TFRC: variants seen among roughly 807,000 people sequenced by gnomAD.
TFRC encodes the protein transferrin receptor protein 1.
A neutral mutation model predicts 85.8 loss-of-function variants in TFRC; 35 were observed. That is an observed-to-expected ratio of 0.41 (90% CI 0.31 to 0.54). TFRC has a LOEUF of 0.54. TFRC is among the 20% of genes least tolerant of loss of function. TFRC has a pLI of 0.31. For missense variants in TFRC, 828 were observed against 921.5 expected (o/e 0.90, Z 1.31); for synonymous variants, 362 against 328.6 (o/e 1.10, Z -1.10).
At chr3:196,062,495 T>G in intron 13 of TFRC, 87 bp downstream of exon 13, 1 of 1,185,584 alleles carries the variant, frequency 8.4e-7, no homozygotes, top group Non-Finnish European at 1.2e-6. Context: ...ATCGTGCCAT[T>G]GCACTCCAGC....
At chr3:196,074,724 C>A (rs1181563902) in intron 3 of TFRC, among the ~76,000 whole-genome samples, 1 of 151,804 alleles carries the variant, frequency 6.6e-6, no homozygotes, top group Non-Finnish European at 1.5e-5. Context: ...ACTAAAAATA[C>A]AAAAATTAGC....
At chr3:196,068,989 T>C (rs1272526340) in intron 7 of TFRC, among the ~76,000 whole-genome samples, 2 of 152,016 alleles carry the variant, frequency 1.3e-5, no homozygotes, top group Admixed American at 1.3e-4. Context: ...ACCACTTTTT[T>C]GAGTCTCACT....
intron 11 of TFRC, among the ~76,000 whole-genome samples, chr3:196,064,021 G>C (rs1317957653): frequency 6.6e-6 from 1 of 152,166 alleles, no homozygotes; most frequent in Non-Finnish European, 1.5e-5. Flanking sequence ...AGATTGCTTA[G>C]GGACTATGAT....
At chr3:196,064,017 C>T (rs1252772967) in intron 11 of TFRC, among the ~76,000 whole-genome samples, 1 of 152,180 alleles carries the variant, frequency 6.6e-6, no homozygotes, top group Non-Finnish European at 1.5e-5. Context: ...AAATAGATTG[C>T]TTAGGGACTA....
At chr3:196,055,536 C>T (rs992716538) in intron 16 of TFRC, 1 of 572,826 alleles carries the variant, frequency 1.7e-6, no homozygotes, top group African/African-American at 1.9e-5. Flanking sequence ...TCTACAGAAT[C>T]CCTGTTCTAT....
At chr3:196,075,060 A>AAAG in intron 3 of TFRC, 99 bp downstream of exon 3, 3 of 708,294 alleles carry the variant, frequency 4.2e-6, no homozygotes, top group African/African-American at 1.7e-5. Flanking sequence ...AAAAAAAAAA[A>AAAG]AAAAAATAAG....
chr3:196,064,978 C>T (rs907177539), intron 10 of TFRC, among the ~76,000 whole-genome samples: 2 of 152,202 alleles, frequency 1.3e-5, no homozygotes, highest in African/African-American at 4.8e-5. Context: ...GACACATAGG[C>T]TGGGCGCGGT....
chr3:196,074,801 C>A (rs1718516147), intron 3 of TFRC, among the ~76,000 whole-genome samples: 1 of 151,268 alleles, frequency 6.6e-6, no homozygotes. Context: ...ATCGCTTGAA[C>A]CTGGGAGGCG....
chr3:196,058,125 C>G, intron 16 of TFRC, 159 bp downstream of exon 16: 1 of 530,938 alleles, frequency 1.9e-6, no homozygotes, highest in Non-Finnish European at 3.4e-6. Context: ...TTGTAATCCT[C>G]GTCATTTGTC....
chr3:196,062,672 A>C (rs1717382481), intron 12 of TFRC, 27 bp from the exon 13 acceptor site: 4 of 1,588,060 alleles, frequency 2.5e-6, no homozygotes, highest in Non-Finnish European at 3.4e-6. Context: ...AACACTAATA[A>C]GTATAAATCT....
In TFRC at chr3:196,052,037, G is replaced by A; in HGVS notation, c.2188C>T (p.Leu730=). 6.2e-7 allele frequency: 1 copy of A among 1,614,180 alleles called. No individual in the cohort carries two copies. Among genetic ancestry groups the A allele is most frequent in the Non-Finnish European group, 8.5e-7 (1 of 1,180,026 alleles). The change falls in exon 19 of 19, where the codon CTG becomes TTG. Residue 730 remains leucine, a synonymous_variant. Transcript: ENST00000360110. ...KQNNGAFNET[L]FRNQLALATW... is the part of the protein sequence containing the mutation. Reference sequence around the variant, plus strand: ...GCTAGAGCCAACTGGTTTCTGAACAGCGTTTCATTAAAAGCACCGTTATTT... The same window carrying A: ...GCTAGAGCCAACTGGTTTCTGAACAACGTTTCATTAAAAGCACCGTTATTT...
chr3:196,073,823 C>A, intron 4 of TFRC, 107 bp downstream of exon 4: 1 of 1,196,012 alleles, frequency 8.4e-7, no homozygotes. Flanking sequence ...CAAGTCTTGT[C>A]TTCTCTAACA....
At chr3:196,066,344 G>A (rs1034055775) in intron 9 of TFRC, among the ~76,000 whole-genome samples, 5 of 152,100 alleles carry the variant, frequency 3.3e-5, no homozygotes, top group African/African-American at 1.2e-4. Context: ...TGTAATCCCA[G>A]CACTTTGGAA....
At chr3:196,077,229 A>T in intron 1 of TFRC, 107 bp from the exon 2 acceptor site, 1 of 724,538 alleles carries the variant, frequency 1.4e-6, no homozygotes, top group Non-Finnish European at 2.3e-6. Flanking sequence ...ATACATTATC[A>T]CTTTTCTAGA....
chr3:196,062,655 A>T lies in TFRC; in HGVS notation c.1405-10T>A. 1 of 1,599,140 alleles carries T rather than the reference A, an allele frequency of 6.3e-7. No individual in the cohort carries two copies. The highest frequency in any genetic ancestry group is 8.5e-7 in the Non-Finnish European group (1 of 1,174,536). On this transcript the variant is annotated splice_polypyrimidine_tract_variant and intron_variant, in intron 12 of 18. Coordinates refer to ENST00000360110, the MANE Select transcript of TFRC (RefSeq NM_001128148.3). ...GGGACGAAAGGTATCCCTAGAAGAG[A>T]AGGGAAAACACTAATAAGTATAAAT...
Position 196,077,092 on chromosome 3 carries a change from T to C in TFRC, c.8A>G (p.Asp3Gly). 1 of 1,613,798 alleles carries C rather than the reference T, an allele frequency of 6.2e-7. No homozygotes were observed. The highest frequency in any genetic ancestry group is 8.5e-7 in the Non-Finnish European group (1 of 1,179,824). The stretch of plus-strand genomic sequence containing the variant: ...GTTAGAGAATGCTGATCTAGCTTGA[T>C]CCATCATTCTGAACTGCCACACAGA... MM[D>G]QARSAFSNLF... is the part of the protein sequence containing the mutation. Residue 3 changes from aspartate (D) to glycine (G), a missense_variant, in exon 2 of 19, where the codon GAT (aspartate) becomes GGT (glycine). Physicochemically the swap from Asp to Gly is moderately conservative, Grantham distance 94. Coordinates refer to ENST00000360110, the MANE Select transcript of TFRC (RefSeq NM_001128148.3).
chr3:196,049,836 G>GAGT lies in TFRC; in HGVS notation c.*2103_*2105dup, dbSNP rs1716164947. 4.3e-6 allele frequency: 1 copy of GAGT among 230,870 alleles called. No individual in the cohort carries two copies. The highest frequency in any genetic ancestry group is 8.6e-6 in the Non-Finnish European group (1 of 116,646). The allele number at this position is 230,870 out of a possible 1,614,324, so 14.3% of individuals were successfully genotyped here. ...TAAAACTGAAGATTAAAGAGACTGT[G>GAGT]AGTAGTGACACATTCAAGTGAGGCT... On this transcript the variant is annotated 3_prime_UTR_variant, in exon 19 of 19. Coordinates refer to ENST00000360110, the MANE Select transcript of TFRC (RefSeq NM_001128148.3).
rs1406331744 is a variant in TFRC at position 196,074,015 on chromosome 3, G to C, written c.349C>G (p.Pro117Ala). The C allele has an allele frequency of 1.9e-6, 3 of 1,614,136 alleles. No individual in the cohort carries two copies. Residue 117 changes from proline (P) to alanine (A), a missense_variant, in exon 4 of 19, where the codon CCT becomes GCT. Physicochemically the swap from Pro to Ala is conservative, Grantham distance 27. Transcript: ENST00000360110. ...TCCCAATATAAGCGACGTGCTGCAGGGAAGTCCTCTCCTGGCTCCTCCCTC... is the reference window on the plus strand; with the variant it reads ...TCCCAATATAAGCGACGTGCTGCAGCGAAGTCCTCTCCTGGCTCCTCCCTC... ...PVREEPGEDF[P>A]AARRLYWDDL... is the part of the protein sequence containing the mutation.
intron 17 of TFRC, among the ~76,000 whole-genome samples, chr3:196,054,535 A>T (rs1316060791): frequency 6.6e-6 from 1 of 152,248 alleles, no homozygotes; most frequent in African/African-American, 2.4e-5. Context: ...AAGCTACTTT[A>T]ATATTAGTTT....
Sources: allele counts gnomAD v4.1 joint callset (sites outside exome capture counted in the v4.1 genomes callset), GRCh38; gene constraint gnomAD v4.1.1; transcripts MANE v1.5; gene names NCBI Gene and HGNC (gene_info 2026-07-23, HGNC 2026-07-21).